Variants in HHLA2 observed in about 807,000 individuals in gnomAD.
HHLA2 encodes the protein HHLA2 member of B7 family, also known as HERV-H LTR-associating protein 2.
A neutral mutation model predicts 45.9 loss-of-function variants in HHLA2; 48 were observed. The ratio of observed to expected loss-of-function variants is 1.05; its 90% CI spans 0.83 to 1.33. The LOEUF (loss-of-function observed/expected upper bound fraction) is 1.33. Among genes scored for constraint, HHLA2 ranks in the 40% most tolerant of loss-of-function variants. The pLI is 0.00. For synonymous variants in HHLA2, 161 were observed against 173.9 expected, an observed-to-expected ratio of 0.93 and a Z score of 0.59; for missense variants, 462 against 494.3, an observed-to-expected ratio of 0.93 and a Z score of 0.62.
At chr3:108,331,196 T>C (rs374473590) in intron 3 of HHLA2, among the ~76,000 whole-genome samples, 1 of 152,218 alleles carries the variant, frequency 6.6e-6, no homozygotes. Context: ...CTCTGGAGTG[T>C]TTGTTAAAAT....
chr3:108,369,245 G>T (rs951807932), intron 8 of HHLA2, among the ~76,000 whole-genome samples: 3 of 152,166 alleles, frequency 2.0e-5, no homozygotes, highest in African/African-American at 7.2e-5. Flanking sequence ...GAAATTTGTA[G>T]CACCAAATGC....
intron 2 of HHLA2, chr3:108,311,772 A>G (rs1057189330): frequency 2.6e-5 from 4 of 152,228 alleles, no homozygotes; most frequent in Non-Finnish European, 5.9e-5. Flanking sequence ...AGAGATGTCT[A>G]TGTCCCCAAA....
chr3:108,361,784 C>T (rs971220415), intron 7 of HHLA2, among the ~76,000 whole-genome samples: 1 of 152,054 alleles, frequency 6.6e-6, no homozygotes, highest in African/African-American at 2.4e-5. Context: ...AACTCAAGAC[C>T]AGGGCTTCTA....
chr3:108,374,353 T>C (rs1210303432), intron 8 of HHLA2, among the ~76,000 whole-genome samples: 1 of 152,054 alleles, frequency 6.6e-6, no homozygotes, highest in African/African-American at 2.4e-5. Context: ...GATTTACATG[T>C]TTGACCTAAA....
chr3:108,357,962 C>G, exon 7 of HHLA2: 1 of 1,613,758 alleles, frequency 6.2e-7, no homozygotes, highest in Non-Finnish European at 8.5e-7. Flanking sequence ...GTGGGACTTT[C>G]TCTGTCCTGG....
intron 8 of HHLA2, among the ~76,000 whole-genome samples, chr3:108,370,611 C>T (rs2107507366): frequency 6.6e-6 from 1 of 152,170 alleles, no homozygotes; most frequent in Non-Finnish European, 1.5e-5. Context: ...ACTAGAATAA[C>T]CAATGCAGAG....
chr3:108,357,841 T>G lies in HHLA2; in HGVS notation c.686-3T>G, dbSNP rs1352764213. The G allele has an allele frequency of 1.9e-6, 3 of 1,599,710 alleles. No homozygotes were observed. The East Asian group carries it at 6.7e-5, about 36-fold the overall frequency. Reference sequence around the variant, plus strand: ...GATGTTTTCTTTTCTATTGTGTTGTTAGATGGCCTTCATAAAATGCAAAGT... The same window carrying G: ...GATGTTTTCTTTTCTATTGTGTTGTGAGATGGCCTTCATAAAATGCAAAGT... On this transcript the variant is annotated splice_polypyrimidine_tract_variant and splice_region_variant and intron_variant, in intron 6 of 10. Coordinates refer to ENST00000619531, the Ensembl canonical transcript of HHLA2.
chr3:108,321,325 C>T (rs540335699), intron 2 of HHLA2, among the ~76,000 whole-genome samples: 2 of 152,124 alleles, frequency 1.3e-5, no homozygotes, highest in Non-Finnish European at 2.9e-5. Flanking sequence ...TTTGGTGGAG[C>T]ACATTTTCCC....
chr3:108,378,265 C>G (rs943783120), exon 11 of HHLA2: 1 of 152,232 alleles, frequency 6.6e-6, no homozygotes, highest in African/African-American at 2.4e-5. Context: ...GTGAAATAAA[C>G]AGCTTTATTG....
chr3:108,315,200 C>T (rs1329401918), intron 2 of HHLA2, among the ~76,000 whole-genome samples: 1 of 152,122 alleles, frequency 6.6e-6, no homozygotes, highest in East Asian at 1.9e-4. Flanking sequence ...TTAGAAGAGC[C>T]TTAAGTTCAG....
chr3:108,362,086 C>T (rs2107483762), intron 7 of HHLA2, among the ~76,000 whole-genome samples: 1 of 152,258 alleles, frequency 6.6e-6, no homozygotes, highest in African/African-American at 2.4e-5. Context: ...GTAGGTTTCC[C>T]ACAATAGATA....
intron 8 of HHLA2, among the ~76,000 whole-genome samples, chr3:108,371,191 G>T (rs1216350328): frequency 1.3e-5 from 2 of 152,148 alleles, no homozygotes; most frequent in East Asian, 1.9e-4. Context: ...TCAAAGAAAA[G>T]AATTTTCAAC....
At chr3:108,308,287 T>G (rs540474280) in intron 1 of HHLA2, among the ~76,000 whole-genome samples, 30 of 152,314 alleles carry the variant, frequency 2.0e-4, no homozygotes, top group African/African-American at 6.7e-4. Context: ...CCTGGCTTAT[T>G]TCACTTAACA....
intron 4 of HHLA2, among the ~76,000 whole-genome samples, chr3:108,352,333 T>G (rs2081794266): frequency 6.6e-6 from 1 of 152,176 alleles, no homozygotes; most frequent in African/African-American, 2.4e-5. Flanking sequence ...TTCAGCATGA[T>G]GCCACATCCC....
At chr3:108,297,614 G>T (rs1372860093) in intron 1 of HHLA2, among the ~76,000 whole-genome samples, 1 of 152,184 alleles carries the variant, frequency 6.6e-6, no homozygotes, top group Admixed American at 6.6e-5. Flanking sequence ...TATTATTTCA[G>T]AATATAGATG....
chr3:108,356,145 T>C (rs2081887859), intron 6 of HHLA2, among the ~76,000 whole-genome samples: 1 of 151,350 alleles, frequency 6.6e-6, no homozygotes, highest in South Asian at 2.1e-4. Flanking sequence ...TTCTCCTGTC[T>C]CAGCCTCCTG....
intron 2 of HHLA2, among the ~76,000 whole-genome samples, chr3:108,315,169 C>T (rs1456854051): frequency 6.6e-6 from 1 of 152,202 alleles, no homozygotes; most frequent in Non-Finnish European, 1.5e-5. Context: ...GCCAGGGGTG[C>T]ATCCTCTTGC....
intron 8 of HHLA2, 117 bp downstream of exon 7, chr3:108,362,563 T>C: frequency 2.8e-6 from 2 of 717,362 alleles, no homozygotes; most frequent in Middle Eastern, 2.9e-4. Flanking sequence ...TTTTCTGGAA[T>C]GTCATTCACA....
At chr3:108,365,469 G>T (rs894679125) in intron 8 of HHLA2, among the ~76,000 whole-genome samples, 5 of 152,090 alleles carry the variant, frequency 3.3e-5, no homozygotes, top group African/African-American at 4.8e-5. Context: ...GGATTGTCTC[G>T]GCTATATGGG....
Sources: gnomAD v4.1 joint callset for allele counts (sites outside exome capture counted in the v4.1 genomes callset) on GRCh38, gnomAD v4.1.1 for gene constraint, MANE v1.5 for transcripts, NCBI Gene and HGNC (gene_info 2026-07-23, HGNC 2026-07-21) for gene names.